PTPN5: variants seen among roughly 807,000 people sequenced by gnomAD.
The protein encoded by PTPN5 is tyrosine-protein phosphatase non-receptor type 5.
In PTPN5, 29 loss-of-function variants were observed where a neutral mutation model predicts 73.9. The observed-to-expected ratio is 0.39, with a 90% CI of 0.29 to 0.54. PTPN5 has a LOEUF of 0.54. PTPN5 is among the 20% of genes least tolerant of loss of function. The pLI is 0.65. For synonymous variants in PTPN5, 267 were observed against 304.7 expected (o/e 0.88, Z 1.29); for missense variants, 652 against 751.4 (o/e 0.87, Z 1.55).
chr11:18,764,624 G>A (rs959023038), intron 3 of PTPN5, among the ~76,000 whole-genome samples: 1 of 152,204 alleles, frequency 6.6e-6, no homozygotes, highest in African/African-American at 2.4e-5. Context: ...TCCATTCTAA[G>A]GTTCCTTGCC....
Position 18,729,373 on chromosome 11 carries a change from C to G in PTPN5, c.1604+80G>C. 1.4e-6 allele frequency: 1 copy of G among 734,596 alleles called. No individual in the cohort carries two copies. The highest frequency in any genetic ancestry group is 2.4e-6 in the Non-Finnish European group (1 of 408,906). 45.5% of individuals were successfully genotyped at this position (734,596 alleles called of 1,614,324 possible). On this transcript the variant is annotated intron_variant, in intron 14 of 14. Transcript: ENST00000358540. The surrounding 1 kb of genome is among the most constrained non-coding windows in gnomAD (Gnocchi z 5.2). ...TTCCATCTGCCCCTCACCCCCCGCC[C>G]ATGCACATGTGGGTCTCTCCCTCTA...
In PTPN5 at chr11:18,755,170, C is replaced by T. The variant is rs553977835; in HGVS notation, c.97+10637G>A. ...GCAGCTCGTGGAGTGGCTTGTGTGG[C>T]GAGGTACTGAGACCTCTGGCCCAGA... is the stretch of plus-strand genomic sequence containing the variant. On this transcript the variant is annotated intron_variant, in intron 3 of 14. Coordinates refer to ENST00000358540, the MANE Select transcript of PTPN5 (RefSeq NM_006906.2). 5.9e-5 allele frequency among the ~76,000 whole-genome samples: 9 copies of T among 152,268 alleles called. No individual in the cohort carries two copies. The East Asian group carries it at 1.4e-3, about 23-fold the overall frequency.
At chr11:18,739,224 C>T (rs1238018127) in intron 8 of PTPN5, among the ~76,000 whole-genome samples, 1 of 152,208 alleles carries the variant, frequency 6.6e-6, no homozygotes, top group Non-Finnish European at 1.5e-5. Context: ...AAACTGCCCC[C>T]AGAGTGGGTG....
intron 3 of PTPN5, among the ~76,000 whole-genome samples, chr11:18,756,917 C>A: frequency 7.9e-6 from 1 of 127,188 alleles, no homozygotes; most frequent in East Asian, 2.2e-4. Context: ...GAGCAAGACT[C>A]CATCAAAAAA....
At chr11:18,735,576 G>T (rs1211210246) in intron 9 of PTPN5, among the ~76,000 whole-genome samples, 1 of 152,144 alleles carries the variant, frequency 6.6e-6, no homozygotes, top group Non-Finnish European at 1.5e-5. Flanking sequence ...AGCACTTTGG[G>T]AGGCTGAGGT....
At chr11:18,756,931 AAAAAACCAAAAAACAAAAAC>A (rs1564910613) in intron 3 of PTPN5, among the ~76,000 whole-genome samples, 1 of 135,420 alleles carries the variant, frequency 7.4e-6, no homozygotes, top group Non-Finnish European at 1.6e-5. Context: ...CAAAAAAAAA[AAAAAACCAAAAAACAAAAAC>A]AAAACAAAAA....
intron 1 of PTPN5, among the ~76,000 whole-genome samples, chr11:18,786,093 A>C (rs1851653889): frequency 6.6e-6 from 1 of 152,106 alleles, no homozygotes; most frequent in South Asian, 2.1e-4. Context: ...TCAGTCTAAG[A>C]GTTTGGAAAT....
intron 3 of PTPN5, among the ~76,000 whole-genome samples, chr11:18,760,987 CA>C (rs1166982673): frequency 1.3e-5 from 2 of 152,246 alleles, no homozygotes; most frequent in African/African-American, 4.8e-5. Context: ...CCTGCTTACG[CA>C]TCTTCAGGTT....
chr11:18,745,881 G>A (rs996042285), intron 3 of PTPN5, among the ~76,000 whole-genome samples: 4 of 152,044 alleles, frequency 2.6e-5, no homozygotes, highest in African/African-American at 9.7e-5. Context: ...ATCCAGGGCA[G>A]TCAGATAGGC....
intron 3 of PTPN5, among the ~76,000 whole-genome samples, chr11:18,755,008 G>T (rs1419928994): frequency 6.6e-6 from 1 of 152,196 alleles, no homozygotes; most frequent in Non-Finnish European, 1.5e-5. Context: ...CACAGCAGAA[G>T]TGAAGGCATG....
chr11:18,778,024 A>G (rs1590612045), intron 1 of PTPN5, among the ~76,000 whole-genome samples: 2 of 150,036 alleles, frequency 1.3e-5, no homozygotes, highest in South Asian at 4.2e-4. Flanking sequence ...GGAAGGAAGG[A>G]AGGGCCCTGA....
At chr11:18,746,162 A>ATATATAT (rs1849612886) in intron 3 of PTPN5, among the ~76,000 whole-genome samples, 9 of 67,670 alleles carry the variant, frequency 1.3e-4, no homozygotes, top group African/African-American at 3.9e-4. Context: ...TATAAATATA[A>ATATATAT]ATATATATAT....
chr11:18,729,736 A>T lies in PTPN5; in HGVS notation c.1412T>A (p.Leu471His). ...DQKTPDRAPP[L>H]LHLVREVEEA... ...CTCCACCTCCCGCACCAGGTGCAGG[A>T]GTGGGGGGGCCCGGTCTGGGGTCTT... Residue 471 changes from leucine (L) to histidine (H), a missense_variant, in exon 13 of 15, where the codon CTC (leucine) becomes CAC (histidine). Leu to His is a moderately conservative substitution (Grantham distance 99, BLOSUM62 -3). Transcript: ENST00000358540. The surrounding 1 kb of genome is among the most constrained non-coding windows in gnomAD (Gnocchi z 5.2). 1 of 1,605,366 alleles carries T rather than the reference A, an allele frequency of 6.2e-7. No individual in the cohort carries two copies. Among genetic ancestry groups the T allele is most frequent in the Non-Finnish European group, 8.5e-7 (1 of 1,173,996 alleles).
At chr11:18,762,548 A>T (rs1850446063) in intron 3 of PTPN5, among the ~76,000 whole-genome samples, 1 of 152,158 alleles carries the variant, frequency 6.6e-6, no homozygotes, top group African/African-American at 2.4e-5. Context: ...TCACAATGTC[A>T]AACCATTCCC....
intron 9 of PTPN5, among the ~76,000 whole-genome samples, chr11:18,736,976 G>C (rs1187646712): frequency 6.6e-6 from 1 of 152,318 alleles, no homozygotes. Context: ...TGTAACCATA[G>C]CAACTACAAG....
chr11:18,773,238 A>T (rs890351501), intron 1 of PTPN5, among the ~76,000 whole-genome samples: 10 of 147,074 alleles, frequency 6.8e-5, no homozygotes, highest in East Asian at 4.2e-4. Flanking sequence ...CCAAAGGCCA[A>T]GTTCCTGGAG....
At position 18,744,184 on chromosome 11, in the gene PTPN5, A is replaced by G. The variant is rs750880988; in HGVS notation, c.113T>C (p.Ile38Thr). Residue 38 changes from isoleucine (I) to threonine (T), a missense_variant, in exon 4 of 15, where the codon ATA becomes ACA. Coordinates refer to ENST00000358540, the MANE Select transcript of PTPN5 (RefSeq NM_006906.2). ...AGCCTCGTCCAGTGCCTCCATCACT[A>G]TCGGCTGGGGGAGACCTGTGGAAGA... ...SERLPGLPQP[I>T]VMEALDEAEG... 6.8e-5 allele frequency: 107 copies of G among 1,567,822 alleles called. No homozygotes were observed. In the South Asian group the frequency reaches 1.2e-3, roughly 18 times the overall value.
intron 1 of PTPN5, among the ~76,000 whole-genome samples, chr11:18,780,030 G>A (rs1036214355): frequency 6.6e-6 from 1 of 152,180 alleles, no homozygotes; most frequent in Non-Finnish European, 1.5e-5. Context: ...GACCTGGCTC[G>A]AAGCTTCACT....
chr11:18,775,671 A>G (rs1417657489), intron 1 of PTPN5, among the ~76,000 whole-genome samples: 1 of 152,194 alleles, frequency 6.6e-6, no homozygotes, highest in Non-Finnish European at 1.5e-5. Flanking sequence ...CAGGGCCCAG[A>G]AGCCATGGGC....
Sources: gnomAD v4.1 joint callset for allele counts (sites outside exome capture counted in the v4.1 genomes callset) on GRCh38, gnomAD v4.1.1 for gene constraint, Gnocchi (gnomAD v3.1) non-coding constraint, MANE v1.5 for transcripts, NCBI Gene and HGNC (gene_info 2026-07-23, HGNC 2026-07-21) for gene names.